The following COL19A1 variants were observed in gnomAD, a reference collection of about 807,000 sequenced individuals.
COL19A1 encodes collagen alpha-1(XIX) chain.
In COL19A1, 159 loss-of-function variants were observed where a neutral mutation model predicts 190.2. That is an observed-to-expected ratio of 0.84 (90% CI 0.73 to 0.95). COL19A1 has a LOEUF of 0.95. COL19A1 is among the 40% of genes least tolerant of loss of function. COL19A1 has a pLI of 0.00. For synonymous variants in COL19A1, 509 were observed against 458.9 expected (o/e 1.11, Z -1.39); for missense variants, 1,418 against 1,431.9 (o/e 0.99, Z 0.16).
At chr6:70,099,531 T>C (rs1783495603) in intron 15 of COL19A1, among the ~76,000 whole-genome samples, 1 of 148,982 alleles carries the variant, frequency 6.7e-6, no homozygotes, top group Admixed American at 6.8e-5. Context: ...ATTATGTATA[T>C]GCAAATATTC....
intron 34 of COL19A1, among the ~76,000 whole-genome samples, chr6:70,160,723 C>G (rs1281525823): frequency 6.6e-6 from 1 of 152,092 alleles, no homozygotes; most frequent in African/African-American, 2.4e-5. Flanking sequence ...ATCCAGAATT[C>G]TAAAACACAT....
intron 14 of COL19A1, among the ~76,000 whole-genome samples, chr6:70,051,634 A>G (rs562848418): frequency 6.6e-5 from 10 of 152,096 alleles, no homozygotes; most frequent in Non-Finnish European, 1.2e-4. Context: ...CGGCATAAAC[A>G]TCCTTTAAAA....
At chr6:69,951,424 A>G (rs998345668) in intron 9 of COL19A1, among the ~76,000 whole-genome samples, 1 of 151,960 alleles carries the variant, frequency 6.6e-6, no homozygotes, top group Non-Finnish European at 1.5e-5. Flanking sequence ...TTCTAGCCTT[A>G]CTGTGGGACC....
intron 49 of COL19A1, among the ~76,000 whole-genome samples, chr6:70,202,890 G>A (rs982726597): frequency 6.6e-6 from 1 of 152,188 alleles, no homozygotes; most frequent in Admixed American, 6.5e-5. Flanking sequence ...TTTCCAGACA[G>A]CTTTTAGATT....
At chr6:69,883,056 A>T (rs1768669610) in intron 2 of COL19A1, among the ~76,000 whole-genome samples, 1 of 152,220 alleles carries the variant, frequency 6.6e-6, no homozygotes, top group South Asian at 2.1e-4. Flanking sequence ...GAAGAATTGG[A>T]CATTTAAGCA....
chr6:70,101,879 C>T (rs1783653710), intron 15 of COL19A1, among the ~76,000 whole-genome samples: 1 of 152,072 alleles, frequency 6.6e-6, no homozygotes, highest in African/African-American at 2.4e-5. Flanking sequence ...CATCTTAGAC[C>T]ATCTTTCATA....
chr6:69,983,159 A>C (rs921474529), intron 11 of COL19A1, among the ~76,000 whole-genome samples: 4 of 151,942 alleles, frequency 2.6e-5, no homozygotes, highest in Non-Finnish European at 4.4e-5. Flanking sequence ...AATCCATAAT[A>C]TATCTATTTA....
chr6:70,199,972 G>A (rs572832871), intron 49 of COL19A1: 15 of 395,256 alleles, frequency 3.8e-5, no homozygotes, highest in Admixed American at 2.1e-4. Flanking sequence ...AGAGTTACCT[G>A]GTATTCTAAA....
At chr6:70,003,307 G>C (rs1777391823) in intron 11 of COL19A1, among the ~76,000 whole-genome samples, 1 of 152,194 alleles carries the variant, frequency 6.6e-6, no homozygotes, top group Non-Finnish European at 1.5e-5. Flanking sequence ...GTTGATTTTA[G>C]AATAAGTGCC....
intron 49 of COL19A1, among the ~76,000 whole-genome samples, chr6:70,204,767 T>C (rs1455256479): frequency 6.6e-6 from 1 of 152,208 alleles, no homozygotes; most frequent in Non-Finnish European, 1.5e-5. Flanking sequence ...CTCATATTTT[T>C]AGCCTGTAAT....
chr6:69,948,829 A>C (rs1773967658), intron 9 of COL19A1, among the ~76,000 whole-genome samples: 1 of 151,804 alleles, frequency 6.6e-6, no homozygotes, highest in African/African-American at 2.4e-5. Context: ...ACTTCAGTGA[A>C]TATAAAGGAA....
At chr6:70,162,424 C>A (rs1485986104) in intron 35 of COL19A1, among the ~76,000 whole-genome samples, 1 of 152,110 alleles carries the variant, frequency 6.6e-6, no homozygotes, top group Non-Finnish European at 1.5e-5. Flanking sequence ...CTCAAACACA[C>A]CATCAAAGCC....
At chr6:70,199,346 C>G (rs1432654997) in intron 48 of COL19A1, among the ~76,000 whole-genome samples, 4 of 152,158 alleles carry the variant, frequency 2.6e-5, no homozygotes, top group Non-Finnish European at 4.4e-5. Context: ...GTGTTCTGTC[C>G]ACTAGATTGT....
At chr6:69,972,465 A>G (rs1775486686) in intron 11 of COL19A1, among the ~76,000 whole-genome samples, 1 of 152,202 alleles carries the variant, frequency 6.6e-6, no homozygotes, top group African/African-American at 2.4e-5. Context: ...TATTCAATTA[A>G]TTCATTCTTT....
chr6:69,894,821 C>T (rs1198252061), intron 2 of COL19A1, among the ~76,000 whole-genome samples: 1 of 152,146 alleles, frequency 6.6e-6, no homozygotes, highest in Non-Finnish European at 1.5e-5. Flanking sequence ...CCAGATTGGC[C>T]ACAGCCCAAG....
chr6:69,951,899 A>G (rs1774145217), intron 9 of COL19A1, among the ~76,000 whole-genome samples: 1 of 151,934 alleles, frequency 6.6e-6, no homozygotes, highest in Non-Finnish European at 1.5e-5. Context: ...GGAAATCCAT[A>G]GCTCTTGCCC....
intron 46 of COL19A1, among the ~76,000 whole-genome samples, chr6:70,187,035 G>A (rs537995528): frequency 2.6e-5 from 4 of 152,118 alleles, no homozygotes; most frequent in East Asian, 1.9e-4. Context: ...GTGCCACCAC[G>A]CCTGGCTAAT....
At chr6:70,031,615 T>C (rs565817127) in intron 12 of COL19A1, among the ~76,000 whole-genome samples, 41 of 152,310 alleles carry the variant, frequency 2.7e-4, no homozygotes, top group African/African-American at 9.9e-4. Flanking sequence ...TTCAGTTCCA[T>C]CCATGTTGCT....
chr6:70,048,484 G>A (rs901895755), intron 14 of COL19A1, among the ~76,000 whole-genome samples: 3 of 151,930 alleles, frequency 2.0e-5, no homozygotes, highest in African/African-American at 4.8e-5. Context: ...AATCATTGTC[G>A]TTGCCTTCAG....
Sources: allele counts gnomAD v4.1 joint callset (sites outside exome capture counted in the v4.1 genomes callset), GRCh38; gene constraint gnomAD v4.1.1; transcripts MANE v1.5; gene names NCBI Gene and HGNC (gene_info 2026-07-23, HGNC 2026-07-21).